AFF1: variants seen among roughly 807,000 people sequenced by gnomAD.
AFF1 encodes the protein ALF transcription elongation factor 1.
Under a neutral mutation model 121.7 loss-of-function variants are expected in AFF1, and 48 were observed. The observed-to-expected ratio is 0.39, with a 90% confidence interval of 0.31 to 0.50. AFF1 has a LOEUF of 0.50. Ranked by LOEUF, AFF1 falls within the 20% of genes least tolerant of loss-of-function variation. The pLI is 0.76. For synonymous variants in AFF1, 613 were observed against 563.0 expected, an observed-to-expected ratio of 1.09 and a Z score of -1.26; for missense variants, 1,523 against 1,511.7, an observed-to-expected ratio of 1.01 and a Z score of -0.12.
In AFF1 at chr4:87,140,962, A is replaced by G. The variant is rs145339105; in HGVS notation, c.*5261A>G. 2.5e-4 allele frequency: 45 copies of G among 181,552 alleles called. No individual in the cohort carries two copies. The highest frequency in any genetic ancestry group is 1.1e-3 in the African/African-American group (45 of 42,558). The allele number at this position is 181,552 out of a possible 1,614,324, so 11.2% of individuals were successfully genotyped here. Reference sequence around the variant, plus strand: ...TGTTTAAACAAAAATGTAATTGTTCATCTTTAAATTCTTTCCTTTTCATAA... The same window carrying G: ...TGTTTAAACAAAAATGTAATTGTTCGTCTTTAAATTCTTTCCTTTTCATAA... On this transcript the variant is annotated 3_prime_UTR_variant, in exon 21 of 21. Transcript: ENST00000395146.
At chr4:87,076,677 GT>G (rs1363155690) in intron 4 of AFF1, among the ~76,000 whole-genome samples, 28 of 152,220 alleles carry the variant, frequency 1.8e-4, no homozygotes, top group Admixed American at 1.8e-3. Context: ...TGTTTTCCTT[GT>G]TTTAATTTGG....
chr4:86,973,378 TA>T (rs1177766206), intron 2 of AFF1, among the ~76,000 whole-genome samples: 2 of 152,178 alleles, frequency 1.3e-5, no homozygotes, highest in African/African-American at 4.8e-5. Flanking sequence ...ACTATAGACA[TA>T]ATCTGCAGAA....
At chr4:87,040,920 G>T (rs1356253237) in intron 2 of AFF1, among the ~76,000 whole-genome samples, 1 of 116,432 alleles carries the variant, frequency 8.6e-6, no homozygotes, top group African/African-American at 3.7e-5. Flanking sequence ...TTGTTACCTA[G>T]GCTGGAGTGC....
rs948471296 is a variant in AFF1 at position 86,949,685 on chromosome 4, A to G, written c.38+1114A>G. 1.7e-5 allele frequency: 27 copies of G among 1,570,454 alleles called. No individual in the cohort carries two copies. In the Admixed American group the frequency reaches 2.4e-4, roughly 14 times the overall value. On this transcript the variant is annotated intron_variant, in intron 2 of 20. Coordinates refer to ENST00000395146, the MANE Select transcript of AFF1 (RefSeq NM_001166693.3). ...GAGCGCTCAGAGCAGGAAGGGGATG[A>G]TGGGCATGCGCAGGGGCGGGTAGTC...
In AFF1 at chr4:86,942,093, G is replaced by C. The variant is rs544341286; in HGVS notation, c.-36-6405G>C. 3.9e-5 allele frequency among the ~76,000 whole-genome samples: 6 copies of C among 152,268 alleles called. No homozygotes were observed. The South Asian group carries it at 6.2e-4, about 16-fold the overall frequency. ...ATAAATGTTTGCTATTATTACTCCT[G>C]AAGGAAGAGATTGTGTTCTCAGTCT... On this transcript the variant is annotated intron_variant, in intron 1 of 20. Coordinates refer to ENST00000395146, the MANE Select transcript of AFF1 (RefSeq NM_001166693.3).
intron 2 of AFF1, among the ~76,000 whole-genome samples, chr4:86,953,137 T>C (rs1224141736): frequency 2.6e-5 from 4 of 152,162 alleles, no homozygotes; most frequent in Non-Finnish European, 5.9e-5. Context: ...TACAGAGCTG[T>C]TTTTATTATT....
intron 2 of AFF1, among the ~76,000 whole-genome samples, chr4:86,995,318 G>A (rs1369071923): frequency 1.9e-5 from 1 of 51,352 alleles, no homozygotes; most frequent in African/African-American, 8.4e-5. Flanking sequence ...CTCTCCCCAC[G>A]GTCTCCCTCT....
intron 2 of AFF1, among the ~76,000 whole-genome samples, chr4:87,044,825 C>A (rs944278213): frequency 2.6e-5 from 4 of 152,124 alleles, no homozygotes; most frequent in Admixed American, 2.0e-4. Context: ...GACTGACTGT[C>A]AAGTAGAATG....
At position 87,094,913 on chromosome 4, in the gene AFF1, A is replaced by G; in HGVS notation, c.1229-2A>G. ...CTGCTTTGATGTTTCTCTCCCCCAC[A>G]GAACAATATGATACATCTTCAAAAA... is the stretch of plus-strand genomic sequence containing the variant. On this transcript the variant is annotated splice_acceptor_variant, in intron 7 of 20. Transcript: ENST00000395146. LOFTEE classifies it high-confidence loss of function. The G allele has an allele frequency of 1.2e-6, 2 of 1,613,520 alleles. No homozygotes were observed. Among genetic ancestry groups the G allele is most frequent in the Non-Finnish European group, 1.7e-6 (2 of 1,179,426 alleles).
rs1465528711 is a variant in AFF1, at chr4:87,140,813, C to T, written c.*5112C>T. The T allele has an allele frequency of 3.2e-5, 6 of 187,692 alleles. No homozygotes were observed. The highest frequency in any genetic ancestry group is 6.8e-5 in the Non-Finnish European group (6 of 88,778). 11.6% of individuals were successfully genotyped at this position (187,692 alleles called of 1,614,324 possible). A position where few individuals can be genotyped will look rare whatever the true frequency, so the allele number is the denominator to read the frequency against. On this transcript the variant is annotated 3_prime_UTR_variant, in exon 21 of 21. Transcript: ENST00000395146. ...ATAAAATTTAGCTGCCTTGTATAGT[C>T]GTTTGAAAGAATATGTGATCTGTGA... is the stretch of plus-strand genomic sequence containing the variant.
At position 87,076,262 on chromosome 4, in the gene AFF1, T is replaced by TTA. The variant is rs397715639; in HGVS notation, c.1060-7858_1060-7857insTA. 2.2e-3 allele frequency among the ~76,000 whole-genome samples: 329 copies of TTA among 152,198 alleles called. 1 individual carries two copies. The highest frequency in any genetic ancestry group is 7.7e-3 in the African/African-American group (320 of 41,494). ...CTCATTATTTTAAAATAATCTTTTT[T>TTA]ATCCACCTTATTTCTCCTCTCCCTG... is the stretch of plus-strand genomic sequence containing the variant. On this transcript the variant is annotated intron_variant, in intron 4 of 20. Coordinates refer to ENST00000395146, the MANE Select transcript of AFF1 (RefSeq NM_001166693.3).
At chr4:87,116,995 C>T (rs1402751864) in intron 12 of AFF1, among the ~76,000 whole-genome samples, 1 of 152,218 alleles carries the variant, frequency 6.6e-6, no homozygotes, top group African/African-American at 2.4e-5. Flanking sequence ...TGTCTCCCAG[C>T]TGCTGTGGTC....
chr4:86,998,630 T>C (rs1244804868), intron 2 of AFF1, among the ~76,000 whole-genome samples: 2 of 152,202 alleles, frequency 1.3e-5, no homozygotes, highest in African/African-American at 4.8e-5. Flanking sequence ...TGTACCTGTT[T>C]TTTTTTCCTT....
intron 2 of AFF1, among the ~76,000 whole-genome samples, chr4:86,955,283 T>C (rs1419544205): frequency 1.3e-5 from 2 of 152,264 alleles, no homozygotes; most frequent in Non-Finnish European, 2.9e-5. Context: ...AAATACCACT[T>C]GAACAGAATG....
chr4:86,979,458 G>A (rs954786340), intron 2 of AFF1, among the ~76,000 whole-genome samples: 5 of 152,284 alleles, frequency 3.3e-5, no homozygotes, highest in African/African-American at 1.2e-4. Context: ...CAATAAATAG[G>A]TGTTGATTAG....
rs3036188 is a variant in AFF1, at chr4:87,122,881, TAA to T, written c.2467-2132_2467-2131del. On this transcript the variant is annotated intron_variant, in intron 12 of 20. Transcript: ENST00000395146. ...AAAAGGGGAGGAAATGGAAAATTAG[TAA>T]AAAAAAAAAAAAAAAAAAAAAAATT... Among the ~76,000 whole-genome samples, 915 of 96,634 alleles carry T rather than the reference TAA, an allele frequency of 9.5e-3. 6 individuals carry two copies. Among genetic ancestry groups the T allele is most frequent in the African/African-American group, 0.022 (512 of 23,734 alleles). 63.4% of individuals were successfully genotyped at this position (96,634 alleles called of 152,430 possible).
Position 86,984,556 on chromosome 4 carries a change from C to G in AFF1, c.38+35985C>G, listed in dbSNP as rs577925754. On this transcript the variant is annotated intron_variant, in intron 2 of 20. Coordinates refer to ENST00000395146, the MANE Select transcript of AFF1 (RefSeq NM_001166693.3). ...CCAGGCTAGTCTCGAACTCTGAGCT[C>G]AGGCAGTCCGCCCGCCTCGGCCTCC... Among the ~76,000 whole-genome samples, 541 of 152,100 alleles carry G rather than the reference C, an allele frequency of 3.6e-3. 7 individuals carry two copies. Among genetic ancestry groups the G allele is most frequent in the African/African-American group, 0.013 (520 of 41,504 alleles).
At chr4:87,088,445 G>C (rs1225150463) in intron 5 of AFF1, among the ~76,000 whole-genome samples, 1 of 152,246 alleles carries the variant, frequency 6.6e-6, no homozygotes, top group African/African-American at 2.4e-5. Context: ...ACTTGCTACA[G>C]TGCCATCTCC....
chr4:86,998,332 T>C (rs904638138), intron 2 of AFF1, among the ~76,000 whole-genome samples: 3 of 152,200 alleles, frequency 2.0e-5, no homozygotes, highest in Non-Finnish European at 2.9e-5. Context: ...CATTCTTGCA[T>C]GGAGAAGTGG....
Sources: allele counts gnomAD v4.1 joint callset (sites outside exome capture counted in the v4.1 genomes callset), GRCh38; gene constraint gnomAD v4.1.1; transcripts MANE v1.5; gene names NCBI Gene and HGNC (gene_info 2026-07-23, HGNC 2026-07-21).